The following FBXL20 variants were observed in gnomAD, a reference collection of about 807,000 sequenced individuals.
FBXL20 encodes the protein F-box and leucine rich repeat protein 20, also known as F-box/LRR-repeat protein 20.
A neutral mutation model predicts 64.0 loss-of-function variants in FBXL20; 11 were observed. The observed-to-expected ratio is 0.17, with a 90% CI of 0.11 to 0.28. The LOEUF is 0.28. Among genes scored for constraint, FBXL20 ranks in the 10% least tolerant of loss-of-function variants. FBXL20 has a pLI of 1.00. For synonymous variants in FBXL20, 184 were observed against 189.0 expected, an observed-to-expected ratio of 0.97 and a Z score of 0.22; for missense variants, 303 against 526.2, an observed-to-expected ratio of 0.58 and a Z score of 4.15.
intron 1 of FBXL20, among the ~76,000 whole-genome samples, chr17:39,375,095 A>G (rs1309348936): frequency 2.0e-5 from 3 of 152,120 alleles, no homozygotes; most frequent in African/African-American, 7.2e-5. Context: ...GCTACTTTTC[A>G]ATAATATAGG....
intron 1 of FBXL20, among the ~76,000 whole-genome samples, chr17:39,380,968 T>G (rs1194232143): frequency 6.6e-6 from 1 of 152,004 alleles, no homozygotes; most frequent in Non-Finnish European, 1.5e-5. Flanking sequence ...GAGAGCAGCC[T>G]GACCAACATG....
chr17:39,298,932 T>C, intron 5 of FBXL20, 58 bp downstream of exon 5: 3 of 1,370,300 alleles, frequency 2.2e-6, no homozygotes, highest in Non-Finnish European at 3.1e-6. Flanking sequence ...CTTTTCTGGG[T>C]GAGATGGTGC....
intron 3 of FBXL20, among the ~76,000 whole-genome samples, chr17:39,302,658 C>T (rs1162232177): frequency 1.3e-5 from 2 of 152,172 alleles, no homozygotes; most frequent in Non-Finnish European, 1.5e-5. Flanking sequence ...CAGGCGTGAG[C>T]CACTGCACGC....
intron 9 of FBXL20, among the ~76,000 whole-genome samples, chr17:39,278,926 G>A (rs570445039): frequency 1.3e-5 from 2 of 151,968 alleles, no homozygotes; most frequent in East Asian, 4.0e-4. Context: ...GGCCAAGGCC[G>A]GCAGATCACT....
chr17:39,393,971 T>C (rs1420596631), intron 1 of FBXL20, among the ~76,000 whole-genome samples: 2 of 152,226 alleles, frequency 1.3e-5, no homozygotes, highest in Admixed American at 6.5e-5. Context: ...ATGTTTTATA[T>C]ATCTAATGAA....
intron 1 of FBXL20, among the ~76,000 whole-genome samples, chr17:39,347,552 G>A (rs1270650413): frequency 1.3e-5 from 2 of 152,138 alleles, no homozygotes; most frequent in Non-Finnish European, 2.9e-5. Context: ...ATTTTTTCTT[G>A]TAAATTTGTT....
chr17:39,363,116 C>T (rs1170956027), intron 1 of FBXL20, among the ~76,000 whole-genome samples: 2 of 151,684 alleles, frequency 1.3e-5, no homozygotes, highest in South Asian at 2.1e-4. Flanking sequence ...ATTCTCCTGC[C>T]TCACCCTCCC....
At chr17:39,280,216 A>G (rs2144383581) in intron 9 of FBXL20, among the ~76,000 whole-genome samples, 1 of 145,014 alleles carries the variant, frequency 6.9e-6, no homozygotes, top group South Asian at 2.3e-4. Context: ...AGCCCAGGCA[A>G]CAGTGCAAGA....
chr17:39,384,319 A>G (rs974114308), intron 1 of FBXL20, among the ~76,000 whole-genome samples: 2 of 152,038 alleles, frequency 1.3e-5, no homozygotes, highest in Non-Finnish European at 2.9e-5. Context: ...GAAGGCTAAG[A>G]GTTCAAAACC....
At chr17:39,398,494 C>A (rs1034997831) in intron 1 of FBXL20, among the ~76,000 whole-genome samples, 2 of 152,164 alleles carry the variant, frequency 1.3e-5, no homozygotes, top group Non-Finnish European at 2.9e-5. Context: ...TCAGCACATA[C>A]TATGTTGACC....
At position 39,324,670 on chromosome 17, in the gene FBXL20, A is replaced by AT. The variant is rs202055466; in HGVS notation, c.104+18509dup. Among the ~76,000 whole-genome samples, 607 of 151,512 alleles carry AT rather than the reference A, an allele frequency of 4.0e-3. 3 individuals carry two copies. Among genetic ancestry groups the AT allele is most frequent in the African/African-American group, 0.012 (507 of 41,346 alleles). On this transcript the variant is annotated intron_variant, in intron 2 of 14. Transcript: ENST00000264658. ...TTGTGAATTTAGAGTTTGGCAATTC[A>AT]TTTTTTTTTAAAGAAAACTGCAGAA...
intron 1 of FBXL20, among the ~76,000 whole-genome samples, chr17:39,389,359 T>A (rs1431460834): frequency 2.0e-5 from 3 of 152,166 alleles, no homozygotes; most frequent in African/African-American, 7.2e-5. Context: ...TGATTTTGTT[T>A]AATATGACCT....
chr17:39,377,883 C>T (rs1195192800), intron 1 of FBXL20, among the ~76,000 whole-genome samples: 2 of 152,162 alleles, frequency 1.3e-5, no homozygotes, highest in Non-Finnish European at 2.9e-5. Flanking sequence ...CATGCTGGCA[C>T]ATGCCTGTAG....
rs946494786 is a variant in FBXL20, at chr17:39,297,262, TA to T, written c.330-68del. 3.1e-5 allele frequency: 27 copies of T among 877,388 alleles called. No individual in the cohort carries two copies. The African/African-American group carries it at 4.2e-4, about 14-fold the overall frequency. The allele number at this position is 877,388 out of a possible 1,614,324, so 54.4% of individuals were successfully genotyped here. A position where few individuals can be genotyped will look rare whatever the true frequency, so the allele number is the denominator to read the frequency against. On this transcript the variant is annotated intron_variant, in intron 5 of 14. Coordinates refer to ENST00000264658, the MANE Select transcript of FBXL20 (RefSeq NM_032875.3). ...CAAATTCCAGTCATTAAAAAAGTAA[TA>T]AAATATATTATTATTGGTAATATTG...
intron 1 of FBXL20, among the ~76,000 whole-genome samples, chr17:39,352,562 T>A (rs1211916861): frequency 6.6e-6 from 1 of 150,816 alleles, no homozygotes; most frequent in East Asian, 1.9e-4. Flanking sequence ...GCACCTGTAG[T>A]CCCAACTACT....
At chr17:39,306,190 G>A (rs1244622844) in intron 2 of FBXL20, among the ~76,000 whole-genome samples, 2 of 146,178 alleles carry the variant, frequency 1.4e-5, no homozygotes, top group African/African-American at 2.6e-5. Flanking sequence ...TTGCTCTGTC[G>A]CCCAGGCTGG....
At position 39,327,857 on chromosome 17, in the gene FBXL20, C is replaced by T. The variant is rs542381097; in HGVS notation, c.104+15323G>A. Among the ~76,000 whole-genome samples, 15 of 152,174 alleles carry T rather than the reference C, an allele frequency of 9.9e-5. No homozygotes were observed. The South Asian group carries it at 1.2e-3, about 13-fold the overall frequency. ...CTGGGACTATAGGCGCCTGCCACCA[C>T]GCCCGGGTAACCAAACATGTATTTC... On this transcript the variant is annotated intron_variant, in intron 2 of 14. Coordinates refer to ENST00000264658, the MANE Select transcript of FBXL20 (RefSeq NM_032875.3).
Position 39,348,086 on chromosome 17 carries a change from C to CTT in FBXL20, c.43-4847_43-4846dup, listed in dbSNP as rs3079636. Among the ~76,000 whole-genome samples, 82 of 143,652 alleles carry CTT rather than the reference C, an allele frequency of 5.7e-4. 3 individuals carry two copies. The highest frequency in any genetic ancestry group is 6.9e-4 in the African/African-American group (27 of 39,002). 94.2% of individuals were successfully genotyped at this position (143,652 alleles called of 152,430 possible). ...TCTCTCTAAACAAGGTTGGGTTCGTCTTTTTTTTTTTTTGGTAGAGAGAGA... is the reference window on the plus strand; with the variant it reads ...TCTCTCTAAACAAGGTTGGGTTCGTCTTTTTTTTTTTTTTTGGTAGAGAGAGA... On this transcript the variant is annotated intron_variant, in intron 1 of 14. Transcript: ENST00000264658.
chr17:39,327,711 G>GT lies in FBXL20; in HGVS notation c.104+15468dup, dbSNP rs2047421659. Among the ~76,000 whole-genome samples the GT allele has an allele frequency of 2.0e-5, 3 of 152,010 alleles. No homozygotes were observed. The South Asian group carries it at 6.2e-4, about 32-fold the overall frequency. ...ATGTATTTCTTTTTTGTTTTGTTTT[G>GT]TTTTTTCAAGACGGAATCTCGCTCT... On this transcript the variant is annotated intron_variant, in intron 2 of 14. Transcript: ENST00000264658.
Sources: allele counts gnomAD v4.1 joint callset (sites outside exome capture counted in the v4.1 genomes callset), GRCh38; gene constraint gnomAD v4.1.1; transcripts MANE v1.5; gene names NCBI Gene and HGNC (gene_info 2026-07-23, HGNC 2026-07-21).